The following GRM5 variants were observed in gnomAD, a reference collection of about 807,000 sequenced individuals.
GRM5 encodes the protein glutamate metabotropic receptor 5.
GRM5 carries 19 observed loss-of-function variants against 83.1 expected under a neutral mutation model. The observed-to-expected ratio is 0.23, with a 90% CI of 0.16 to 0.34. The LOEUF is 0.34. GRM5 is among the 10% of genes least tolerant of loss of function. The probability of loss-of-function intolerance (pLI) is 1.00; values close to 1 mark genes in which losing one functional copy is unlikely to be tolerated. For synonymous variants in GRM5, 675 were observed against 633.6 expected (o/e 1.07, Z -0.98); for missense variants, 1,160 against 1,588.3 (o/e 0.73, Z 4.58).
At chr11:88,885,040 T>C (rs1327790625) in intron 2 of GRM5, among the ~76,000 whole-genome samples, 1 of 152,158 alleles carries the variant, frequency 6.6e-6, no homozygotes, top group Non-Finnish European at 1.5e-5. Context: ...TACTCATTCC[T>C]AAGATCTGAA....
At chr11:88,689,283 C>T (rs967528235) in intron 3 of GRM5, among the ~76,000 whole-genome samples, 5 of 152,150 alleles carry the variant, frequency 3.3e-5, no homozygotes, top group Non-Finnish European at 7.3e-5. Flanking sequence ...ATTAGTAAAA[C>T]ACATCCCTGA....
At chr11:88,636,188 T>C (rs11020732) in intron 4 of GRM5, among the ~76,000 whole-genome samples, 8,498 of 152,240 alleles carry the variant, frequency 0.056, 487 homozygotes, top group African/African-American at 0.15. Context: ...CCTCCTTTCC[T>C]GACCACAGGG....
intron 3 of GRM5, among the ~76,000 whole-genome samples, chr11:88,786,785 A>G (rs1239866760): frequency 6.6e-6 from 1 of 151,812 alleles, no homozygotes; most frequent in Non-Finnish European, 1.5e-5. Context: ...TGTGTCTATT[A>G]TCTATCCCCT....
intron 2 of GRM5, among the ~76,000 whole-genome samples, chr11:88,938,797 C>CTATA (rs1395592999): frequency 1.3e-5 from 2 of 151,618 alleles, no homozygotes; most frequent in Non-Finnish European, 3.0e-5. Context: ...GTTTTTACAT[C>CTATA]TATATATCAG....
chr11:88,758,775 C>T (rs1432898064), intron 3 of GRM5, among the ~76,000 whole-genome samples: 1 of 152,024 alleles, frequency 6.6e-6, no homozygotes, highest in Non-Finnish European at 1.5e-5. Context: ...AAGATCATCC[C>T]GAAGACACAT....
At chr11:88,960,450 C>T in intron 2 of GRM5, among the ~76,000 whole-genome samples, 1 of 152,072 alleles carries the variant, frequency 6.6e-6, no homozygotes, top group Non-Finnish European at 1.5e-5. Flanking sequence ...CTTTCTAAAC[C>T]ACCTTTGGGC....
Position 88,594,516 on chromosome 11 carries a change from G to A in GRM5, c.1563+2668C>T, listed in dbSNP as rs1408367961. ...TAATAAAACTTTATTTACAAAGACA[G>A]GTAGTAGGTCAGATTTAGTCTGTGG... On this transcript the variant is annotated intron_variant, in intron 6 of 9. Coordinates refer to ENST00000305447, the MANE Select transcript of GRM5 (RefSeq NM_001143831.3). 9.8e-5 allele frequency among the ~76,000 whole-genome samples: 15 copies of A among 152,308 alleles called. 1 individual carries two copies. In the East Asian group the frequency reaches 2.9e-3, roughly 29 times the overall value.
intron 3 of GRM5, among the ~76,000 whole-genome samples, chr11:88,697,585 C>T (rs568889674): frequency 7.6e-4 from 115 of 152,276 alleles, no homozygotes; most frequent in African/African-American, 2.8e-3. Flanking sequence ...GTTTCCTAGC[C>T]TCAGATCCAT....
chr11:88,712,087 A>T (rs1022704828), intron 3 of GRM5, among the ~76,000 whole-genome samples: 8 of 152,106 alleles, frequency 5.3e-5, no homozygotes, highest in African/African-American at 1.9e-4. Context: ...TTACTGGAGG[A>T]CAGAGGAGAA....
intron 6 of GRM5, among the ~76,000 whole-genome samples, chr11:88,595,414 C>T (rs889733960): frequency 6.6e-6 from 1 of 152,128 alleles, no homozygotes; most frequent in Non-Finnish European, 1.5e-5. Flanking sequence ...TCCTTCCCTT[C>T]CTACCCTCTA....
chr11:88,835,345 A>G (rs1220411923), intron 3 of GRM5, among the ~76,000 whole-genome samples: 3 of 152,222 alleles, frequency 2.0e-5, no homozygotes, highest in Non-Finnish European at 4.4e-5. Flanking sequence ...AGAATAGGTG[A>G]AGATACAGCA....
chr11:88,612,537 A>C (rs1225954551), intron 4 of GRM5, among the ~76,000 whole-genome samples: 16 of 152,160 alleles, frequency 1.1e-4, no homozygotes, highest in Admixed American at 9.2e-4. Flanking sequence ...CCTGAGGAGT[A>C]GCCACACTGA....
chr11:88,570,584 T>A (rs1306015574), intron 7 of GRM5, among the ~76,000 whole-genome samples: 2 of 129,100 alleles, frequency 1.5e-5, no homozygotes, highest in South Asian at 2.6e-4. Flanking sequence ...TTTTTTTTTT[T>A]TTTTTTTTTT....
intron 3 of GRM5, among the ~76,000 whole-genome samples, chr11:88,779,984 C>T (rs562394634): frequency 3.9e-5 from 6 of 152,102 alleles, no homozygotes; most frequent in Non-Finnish European, 8.8e-5. Flanking sequence ...CCTCAGAATC[C>T]AGAGCTATGC....
chr11:88,534,008 G>A (rs960428800), intron 8 of GRM5, among the ~76,000 whole-genome samples: 1 of 152,274 alleles, frequency 6.6e-6, no homozygotes, highest in African/African-American at 2.4e-5. Context: ...GTGGTGTTGA[G>A]CCTGTGGGTA....
At position 88,597,169 on chromosome 11, in the gene GRM5, T is replaced by C; in HGVS notation, c.1563+15A>G. The C allele has an allele frequency of 6.7e-7, 1 of 1,492,312 alleles. No homozygotes were observed. Among genetic ancestry groups the C allele is most frequent in the Non-Finnish European group, 9.0e-7 (1 of 1,110,232 alleles). 92.4% of individuals were successfully genotyped at this position (1,492,312 alleles called of 1,614,324 possible). ...ATTTACAACAAAAATGAAAGAAACA[T>C]AGATTCCATTTTACCTTGATCTGGC... On this transcript the variant is annotated intron_variant, in intron 6 of 9. Coordinates refer to ENST00000305447, the MANE Select transcript of GRM5 (RefSeq NM_001143831.3).
At chr11:88,826,490 C>A (rs1943896581) in intron 3 of GRM5, among the ~76,000 whole-genome samples, 1 of 151,118 alleles carries the variant, frequency 6.6e-6, no homozygotes. Flanking sequence ...TTATTTTGGA[C>A]CTTTGAAAAT....
At chr11:88,816,162 G>A (rs1394460341) in intron 3 of GRM5, among the ~76,000 whole-genome samples, 7 of 135,464 alleles carry the variant, frequency 5.2e-5, no homozygotes, top group African/African-American at 1.9e-4. Flanking sequence ...GCAGTGAGCC[G>A]AGATTGCGCC....
At chr11:88,887,618 T>C (rs535640699) in intron 2 of GRM5, among the ~76,000 whole-genome samples, 50 of 152,228 alleles carry the variant, frequency 3.3e-4, no homozygotes, top group African/African-American at 1.1e-3. Flanking sequence ...CCAGGAACCA[T>C]GGAAGGAATA....
Sources: allele counts gnomAD v4.1 joint callset (sites outside exome capture counted in the v4.1 genomes callset), GRCh38; gene constraint gnomAD v4.1.1; transcripts MANE v1.5; gene names NCBI Gene and HGNC (gene_info 2026-07-23, HGNC 2026-07-21).